The following VAV2 variants were observed in gnomAD, a reference collection of about 807,000 sequenced individuals.
VAV2 encodes vav guanine nucleotide exchange factor 2, also known as guanine nucleotide exchange factor VAV2.
A neutral mutation model predicts 132.5 loss-of-function variants in VAV2; 67 were observed. The observed-to-expected ratio is 0.51, with a 90% CI of 0.42 to 0.62. VAV2 has a LOEUF of 0.62. Ranked by LOEUF, VAV2 falls within the 20% of genes least tolerant of loss-of-function variation. VAV2 has a pLI of 0.00. For missense variants in VAV2, 938 were observed against 1,153.6 expected (o/e 0.81, Z 2.71); for synonymous variants, 492 against 443.5 (o/e 1.11, Z -1.37).
chr9:133,898,796 A>G (rs2486359), intron 2 of VAV2, among the ~76,000 whole-genome samples: 132,287 of 145,480 alleles, frequency 0.91, 61,258 homozygotes, highest in East Asian at 1. Flanking sequence ...TGTCGGATCC[A>G]GGGAGGATGC....
intron 2 of VAV2, among the ~76,000 whole-genome samples, chr9:133,938,012 G>T (rs1316527522): frequency 6.6e-6 from 1 of 152,214 alleles, no homozygotes; most frequent in East Asian, 1.9e-4. Flanking sequence ...CTGACCTGAG[G>T]CCGTGCAGCA....
rs1248361531 is a variant in VAV2 at position 133,928,877 on chromosome 9, C to G, written c.321+10226G>C. Among the ~76,000 whole-genome samples, 1 of 152,156 alleles carries G rather than the reference C, an allele frequency of 6.6e-6. No individual in the cohort carries two copies. Among genetic ancestry groups the G allele is most frequent in the African/African-American group, 2.4e-5 (1 of 41,424 alleles). On this transcript the variant is annotated intron_variant, in intron 2 of 29. Coordinates refer to ENST00000371850, the MANE Select transcript of VAV2 (RefSeq NM_001134398.2). The surrounding 1 kb of genome is among the most constrained non-coding windows in gnomAD (Gnocchi z 5.4). ...GGATACACTGGCCGGGTGAGGCTGG[C>G]ACTCCAGGCCACTGGAATGGCCATC... is the stretch of plus-strand genomic sequence containing the variant.
At chr9:133,848,279 CA>C (rs34908811) in intron 3 of VAV2, among the ~76,000 whole-genome samples, 4,738 of 48,488 alleles carry the variant, frequency 0.098, 77 homozygotes, top group African/African-American at 0.19. Context: ...GACTCCGTCT[CA>C]AAAAAAAAAA....
chr9:133,975,063 C>T (rs1842462982), intron 1 of VAV2, among the ~76,000 whole-genome samples: 1 of 152,238 alleles, frequency 6.6e-6, no homozygotes, highest in African/African-American at 2.4e-5. Context: ...CGGCCTTTTC[C>T]TGCTGACGCC....
At chr9:133,795,239 G>A (rs1834660028) in intron 12 of VAV2, among the ~76,000 whole-genome samples, 2 of 152,218 alleles carry the variant, frequency 1.3e-5, no homozygotes, top group Non-Finnish European at 2.9e-5. Context: ...GGCTGGCTGG[G>A]GGCCCTCGAA....
chr9:133,972,710 C>T (rs1312117907), intron 1 of VAV2, among the ~76,000 whole-genome samples: 2 of 152,190 alleles, frequency 1.3e-5, no homozygotes, highest in African/African-American at 4.8e-5. Context: ...CCACTCACTC[C>T]AGCGAGGGGA....
chr9:133,886,793 G>A (rs1347641771), intron 2 of VAV2, among the ~76,000 whole-genome samples: 1 of 152,260 alleles, frequency 6.6e-6, no homozygotes, highest in African/African-American at 2.4e-5. Flanking sequence ...AGGAGAGCAG[G>A]TGAATTCTGC....
chr9:133,797,632 G>T, intron 10 of VAV2, 78 bp downstream of exon 10: 1 of 1,279,236 alleles, frequency 7.8e-7, no homozygotes, highest in Non-Finnish European at 1.1e-6. Flanking sequence ...GCAAGAGAGA[G>T]GCTGGTACCT....
At chr9:133,795,580 T>A in intron 12 of VAV2, 88 bp downstream of exon 12, 1 of 1,515,844 alleles carries the variant, frequency 6.6e-7, no homozygotes, top group Admixed American at 1.7e-5. Flanking sequence ...CAGTCAAAAC[T>A]GAGGCTCGTT....
intron 1 of VAV2, among the ~76,000 whole-genome samples, chr9:133,986,017 A>G (rs1842847369): frequency 6.6e-6 from 1 of 152,218 alleles, no homozygotes; most frequent in Non-Finnish European, 1.5e-5. Flanking sequence ...ATGAGCAGAG[A>G]AGGACAAGAG....
At chr9:133,767,533 T>A (rs1367164397) in intron 29 of VAV2, among the ~76,000 whole-genome samples, 1 of 152,204 alleles carries the variant, frequency 6.6e-6, no homozygotes, top group East Asian at 1.9e-4. Flanking sequence ...TTAATGCCAA[T>A]CACACAAGGA....
chr9:133,913,344 A>G lies in VAV2; in HGVS notation c.321+25759T>C, dbSNP rs183931450. 4.6e-5 allele frequency among the ~76,000 whole-genome samples: 7 copies of G among 152,360 alleles called. No homozygotes were observed. In the East Asian group the frequency reaches 1.3e-3, roughly 29 times the overall value. ...AAGACAGGAAGGTGGGAACGATCGC[A>G]GGCACCAGCCACCTGGCAGTCAGCA... On this transcript the variant is annotated intron_variant, in intron 2 of 29. Transcript: ENST00000371850.
At chr9:133,846,828 AT>A (rs1836953197) in intron 3 of VAV2, among the ~76,000 whole-genome samples, 1 of 152,176 alleles carries the variant, frequency 6.6e-6, no homozygotes, top group Non-Finnish European at 1.5e-5. Context: ...GGCGGCAGGG[AT>A]GAGAGGGAGC....
chr9:133,783,644 C>G, intron 18 of VAV2, 53 bp from the exon 19 acceptor site: 1 of 1,565,022 alleles, frequency 6.4e-7, no homozygotes, highest in Non-Finnish European at 8.8e-7. Context: ...GCTCCTCATG[C>G]CTCTCTGCCA....
intron 2 of VAV2, among the ~76,000 whole-genome samples, chr9:133,877,894 G>A (rs1588303018): frequency 6.6e-6 from 1 of 152,232 alleles, no homozygotes; most frequent in Non-Finnish European, 1.5e-5. Context: ...CGGTTATTAA[G>A]TGCAAGCGTT....
chr9:133,929,192 G>A (rs1337129225), intron 2 of VAV2, among the ~76,000 whole-genome samples: 1 of 152,104 alleles, frequency 6.6e-6, no homozygotes, highest in East Asian at 1.9e-4. Flanking sequence ...AGCCCTCAAT[G>A]GTGTCTTCGT....
chr9:133,805,508 C>T (rs1032007214), intron 9 of VAV2, among the ~76,000 whole-genome samples: 1 of 151,904 alleles, frequency 6.6e-6, no homozygotes, highest in Non-Finnish European at 1.5e-5. Context: ...CGCCATCTCC[C>T]CAGCCTCCGA....
chr9:133,764,769 TA>T (rs1833380966), intron 29 of VAV2, among the ~76,000 whole-genome samples: 1 of 151,806 alleles, frequency 6.6e-6, no homozygotes, highest in African/African-American at 2.4e-5. Context: ...GAGGCCATGG[TA>T]AAAAGTTCTA....
At chr9:133,785,662 T>A in intron 17 of VAV2, 114 bp downstream of exon 17, 1 of 929,308 alleles carries the variant, frequency 1.1e-6, no homozygotes, top group Non-Finnish European at 1.6e-6. Flanking sequence ...ACGTTCCAAC[T>A]TTGCCTCCCA....
Sources: gnomAD v4.1 joint callset for allele counts (sites outside exome capture counted in the v4.1 genomes callset) on GRCh38, gnomAD v4.1.1 for gene constraint, Gnocchi (gnomAD v3.1) non-coding constraint, MANE v1.5 for transcripts, NCBI Gene and HGNC (gene_info 2026-07-23, HGNC 2026-07-21) for gene names.